Variants in HMCN1 observed in about 807,000 individuals in gnomAD.
HMCN1 encodes hemicentin 1.
In HMCN1, 321 loss-of-function variants were observed where a neutral mutation model predicts 625.9. The ratio of observed to expected loss-of-function variants is 0.51; its 90% CI spans 0.47 to 0.56. The LOEUF is 0.56. Ranked by LOEUF, HMCN1 falls within the 20% of genes least tolerant of loss-of-function variation. The pLI, the probability that HMCN1 is intolerant of heterozygous loss-of-function variation, is 0.00. For synonymous variants in HMCN1, 2,425 were observed against 2,417.6 expected (o/e 1.00, Z -0.09); for missense variants, 6,588 against 6,887.3 (o/e 0.96, Z 1.54).
intron 4 of HMCN1, among the ~76,000 whole-genome samples, chr1:185,869,442 G>T (rs1311121216): frequency 1.3e-5 from 2 of 152,146 alleles, no homozygotes; most frequent in African/African-American, 4.8e-5. Flanking sequence ...AACACTGGTA[G>T]TGTTGGTATT....
At chr1:186,053,520 A>T (rs1388631995) in intron 43 of HMCN1, among the ~76,000 whole-genome samples, 1 of 152,050 alleles carries the variant, frequency 6.6e-6, no homozygotes, top group African/African-American at 2.4e-5. Context: ...GTTGATATTA[A>T]AAAGTAACAT....
intron 6 of HMCN1, among the ~76,000 whole-genome samples, chr1:185,917,690 G>A (rs1375844491): frequency 6.6e-6 from 1 of 152,184 alleles, no homozygotes; most frequent in African/African-American, 2.4e-5. Context: ...TTCTGTGGGT[G>A]ATGAATATGA....
In HMCN1 at chr1:185,982,246, C is replaced by G; in HGVS notation, c.2663-16C>G. On this transcript the variant is annotated splice_polypyrimidine_tract_variant and intron_variant, in intron 17 of 106. Transcript: ENST00000271588. ...TGAAATAGAGTTGAAAGTGCCTGTG[C>G]TCTCTCTTGATTTAGTTGCTCCACT... is the stretch of plus-strand genomic sequence containing the variant. 6.2e-7 allele frequency: 1 copy of G among 1,613,380 alleles called. No individual in the cohort carries two copies. Among genetic ancestry groups the G allele is most frequent in the Non-Finnish European group, 8.5e-7 (1 of 1,179,484 alleles).
In HMCN1 at chr1:186,088,713, A is replaced by G. The variant is rs779147330; in HGVS notation, c.9685A>G (p.Met3229Val). The G allele has an allele frequency of 5.6e-6, 9 of 1,611,034 alleles. No individual in the cohort carries two copies. In the East Asian group the frequency reaches 1.6e-4, roughly 28 times the overall value. The change falls in exon 63 of 107, where the codon ATG (methionine) becomes GTG (valine). Residue 3229 changes from methionine to valine, a missense_variant. Around this residue, in one of 3 missense-constraint regions of HMCN1, gnomAD observed 4,628 missense variants for 4,853.1 expected, o/e 0.95. Transcript: ENST00000271588. ...AAACTATACATGTATTGCTTCAAAT[A>G]TGGAGGGAAAAGCCCAGAAATATTA... ...SGNYTCIASNMEGKAQKYYFL... is the reference protein window; with the variant it reads ...SGNYTCIASNVEGKAQKYYFL...
chr1:185,866,030 T>C (rs1393451592), intron 4 of HMCN1, among the ~76,000 whole-genome samples, 167 bp downstream of exon 4: 1 of 152,196 alleles, frequency 6.6e-6, no homozygotes, highest in Non-Finnish European at 1.5e-5. Flanking sequence ...AATATAGGTA[T>C]ATTTATTTAA....
intron 4 of HMCN1, among the ~76,000 whole-genome samples, chr1:185,897,858 C>A (rs1665575258): frequency 1.3e-5 from 2 of 152,118 alleles, no homozygotes; most frequent in South Asian, 4.1e-4. Context: ...TCATCTGCTC[C>A]CCTCTAGACT....
At chr1:186,022,126 A>G (rs1345188389) in intron 35 of HMCN1, among the ~76,000 whole-genome samples, 1 of 152,112 alleles carries the variant, frequency 6.6e-6, no homozygotes, top group Non-Finnish European at 1.5e-5. Flanking sequence ...TTAATGTACT[A>G]CCTGTCCAGC....
rs554761655 is a variant in HMCN1 at position 186,056,414 on chromosome 1, C to A, written c.7144+740C>A. On this transcript the variant is annotated intron_variant, in intron 45 of 106. Transcript: ENST00000271588. ...GATTGATTTTTTAGGAAATCTTTTC[C>A]TATAAGTAGGTTATGAATCCATATT... 2.9e-4 allele frequency among the ~76,000 whole-genome samples: 44 copies of A among 151,760 alleles called. 1 individual carries two copies. Among genetic ancestry groups the A allele is most frequent in the Non-Finnish European group, 5.7e-4 (39 of 67,922 alleles).
intron 91 of HMCN1, 76 bp downstream of exon 91, chr1:186,144,779 A>G: frequency 6.5e-7 from 1 of 1,542,106 alleles, no homozygotes; most frequent in Middle Eastern, 1.7e-4. Context: ...TAAAGTTGCA[A>G]TATTCCGTTA....
rs1327220635 is a variant in HMCN1, at chr1:185,952,353, AGCCTG to A, written c.1829-10163_1829-10159del. 1.3e-3 allele frequency among the ~76,000 whole-genome samples: 193 copies of A among 151,602 alleles called. 4 individuals are homozygous for A. The highest frequency in any genetic ancestry group is 4.3e-3 in the African/African-American group (177 of 41,106). The stretch of plus-strand genomic sequence containing the variant: ...GACCTAGCTCGGCCTGGAGAGGAGC[AGCCTG>A]GGGAGGAAGGGAGAGGTCAGATGGG... On this transcript the variant is annotated intron_variant, in intron 11 of 106. Coordinates refer to ENST00000271588, the MANE Select transcript of HMCN1 (RefSeq NM_031935.3).
intron 11 of HMCN1, among the ~76,000 whole-genome samples, chr1:185,934,483 C>T (rs926491440): frequency 6.6e-6 from 1 of 152,120 alleles, no homozygotes; most frequent in African/African-American, 2.4e-5. Context: ...TTAATGGCTA[C>T]TAAATATATA....
At chr1:185,864,672 T>C in intron 3 of HMCN1, 44 bp downstream of exon 3, 1 of 1,575,190 alleles carries the variant, frequency 6.3e-7, no homozygotes, top group Non-Finnish European at 8.7e-7. Context: ...AAATGCAGTA[T>C]GTAAGAGATT....
At chr1:185,836,923 C>T (rs555126834) in intron 1 of HMCN1, among the ~76,000 whole-genome samples, 1 of 152,038 alleles carries the variant, frequency 6.6e-6, no homozygotes, top group Admixed American at 6.6e-5. Flanking sequence ...GGCTAATGGC[C>T]TCTAGCTCCA....
rs1225790746 is a variant in HMCN1 at position 186,125,630 on chromosome 1, G to A, written c.12526G>A (p.Gly4176Arg). 6.2e-7 allele frequency: 1 copy of A among 1,613,048 alleles called. No individual in the cohort carries two copies. Among genetic ancestry groups the A allele is most frequent in the Non-Finnish European group, 8.5e-7 (1 of 1,179,342 alleles). Residue 4176 changes from glycine (G) to arginine (R), a missense_variant, in exon 82 of 107, where the codon GGA becomes AGA. Around this residue, in one of 3 missense-constraint regions of HMCN1, gnomAD observed 1,954 missense variants for 2,013.1 expected, o/e 0.97. Coordinates refer to ENST00000271588, the MANE Select transcript of HMCN1 (RefSeq NM_031935.3). The part of the protein sequence containing the change: ...HVPPRIRSTE[G>R]HYTVNENSQA... ...ACCACCCAGGATCAGAAGTACAGAA[G>A]GACACTACACGGTCAATGAGAATTC...
At chr1:185,871,698 G>A (rs769316165) in intron 4 of HMCN1, among the ~76,000 whole-genome samples, 1 of 152,134 alleles carries the variant, frequency 6.6e-6, no homozygotes, top group Non-Finnish European at 1.5e-5. Context: ...ATAGATTAGA[G>A]ATTACTGGAC....
intron 89 of HMCN1, among the ~76,000 whole-genome samples, chr1:186,140,702 T>C (rs921280446): frequency 5.9e-5 from 9 of 152,190 alleles, no homozygotes; most frequent in African/African-American, 1.9e-4. Context: ...GTTATTACTA[T>C]GATTTTTGCA....
Position 186,137,842 on chromosome 1 carries a change from C to T in HMCN1, c.13794C>T (p.Cys4598=), listed in dbSNP as rs1304274722. Residue 4598 remains cysteine (C), a synonymous_variant, in exon 89 of 107, where the codon TGC becomes TGT. Transcript: ENST00000271588. ...SWSEWSLWEE[C]TRSCGRGNQT... Reference sequence around the variant, plus strand: ...CGGAATGGAGTCTTTGGGAAGAATGCACAAGGAGCTGTGGACGCGGCAACC... The same window carrying T: ...CGGAATGGAGTCTTTGGGAAGAATGTACAAGGAGCTGTGGACGCGGCAACC... The T allele has an allele frequency of 6.2e-7, 1 of 1,614,028 alleles. No homozygotes were observed. The highest frequency in any genetic ancestry group is 1.1e-5 in the South Asian group (1 of 91,078).
At chr1:185,827,027 T>C (rs559110627) in intron 1 of HMCN1, among the ~76,000 whole-genome samples, 1 of 151,704 alleles carries the variant, frequency 6.6e-6, no homozygotes, top group African/African-American at 2.4e-5. Context: ...ATAAAAAAAA[T>C]TGGCTGGGCG....
At chr1:186,111,371 C>A (rs1660878231) in intron 71 of HMCN1, among the ~76,000 whole-genome samples, 1 of 151,964 alleles carries the variant, frequency 6.6e-6, no homozygotes, top group African/African-American at 2.4e-5. Context: ...CACTCTGAGC[C>A]AGGTGTGGTG....
Sources: gnomAD v4.1 joint callset for allele counts (sites outside exome capture counted in the v4.1 genomes callset) on GRCh38, gnomAD v4.1.1 for gene constraint, gnomAD v4.1.1 regional missense constraint, MANE v1.5 for transcripts, NCBI Gene and HGNC (gene_info 2026-07-23, HGNC 2026-07-21) for gene names.